The following BTRC variants were observed in gnomAD, a reference collection of about 807,000 sequenced individuals.
BTRC encodes beta-transducin repeat containing E3 ubiquitin protein ligase, also known as F-box/WD repeat-containing protein 1A.
A neutral mutation model predicts 85.5 loss-of-function variants in BTRC; 42 were observed. That is an observed-to-expected ratio of 0.49 (90% CI 0.38 to 0.64). The LOEUF is 0.64. Ranked by LOEUF, BTRC falls within the 30% of genes least tolerant of loss-of-function variation. The pLI is 0.00. For missense variants in BTRC, 594 were observed against 743.5 expected (o/e 0.80, Z 2.34); for synonymous variants, 255 against 263.3 (o/e 0.97, Z 0.30).
At chr10:101,431,070 CTTTT>C (rs748703752) in intron 2 of BTRC, among the ~76,000 whole-genome samples, 1 of 71,294 alleles carries the variant, frequency 1.4e-5, no homozygotes, top group African/African-American at 5.7e-5. Flanking sequence ...CTCAGCCTTT[CTTTT>C]TTTTTTTTTT....
intron 1 of BTRC, among the ~76,000 whole-genome samples, chr10:101,398,711 A>AT (rs1377078309): frequency 6.6e-6 from 1 of 152,154 alleles, no homozygotes; most frequent in Non-Finnish European, 1.5e-5. Flanking sequence ...GGAGGATTTT[A>AT]TATTTGATGT....
intron 3 of BTRC, among the ~76,000 whole-genome samples, chr10:101,477,410 T>C (rs906953966): frequency 6.6e-6 from 1 of 152,244 alleles, no homozygotes; most frequent in African/African-American, 2.4e-5. Flanking sequence ...AGGAAACATT[T>C]CTATTAATAT....
At chr10:101,516,009 T>A (rs530952644) in intron 4 of BTRC, among the ~76,000 whole-genome samples, 1 of 152,226 alleles carries the variant, frequency 6.6e-6, no homozygotes, top group African/African-American at 2.4e-5. Flanking sequence ...GTGTTGGTTA[T>A]GTGAGTATGT....
intron 13 of BTRC, among the ~76,000 whole-genome samples, chr10:101,539,906 C>T (rs1276520468): frequency 6.6e-6 from 1 of 152,178 alleles, no homozygotes; most frequent in African/African-American, 2.4e-5. Context: ...TTAATAATGT[C>T]AAGCATCTAT....
intron 1 of BTRC, among the ~76,000 whole-genome samples, chr10:101,366,841 TATGTATATTA>T (rs1235766192): frequency 1.8e-5 from 1 of 54,216 alleles, no homozygotes; most frequent in African/African-American, 8.8e-5. Context: ...TATATATATT[TATGTATATTA>T]ATATATATTT....
At chr10:101,406,524 CTTTTTTTTTTTT>C (rs58902120) in intron 1 of BTRC, among the ~76,000 whole-genome samples, 10 of 50,426 alleles carry the variant, frequency 2.0e-4, no homozygotes, top group Admixed American at 6.7e-4. Context: ...TCTCAGGTTT[CTTTTTTTTTTTT>C]TTTTTTTTTT....
intron 1 of BTRC, among the ~76,000 whole-genome samples, chr10:101,387,164 G>T (rs1221414578): frequency 1.3e-5 from 2 of 151,662 alleles, no homozygotes; most frequent in African/African-American, 4.8e-5. Context: ...TATTCATATA[G>T]CTTTTTTTTG....
chr10:101,552,010 T>C (rs1280342119), intron 14 of BTRC, among the ~76,000 whole-genome samples: 2 of 152,140 alleles, frequency 1.3e-5, no homozygotes, highest in Non-Finnish European at 2.9e-5. Flanking sequence ...AATCTCCATA[T>C]ACCTACCCCC....
chr10:101,457,948 C>A (rs1199203712), intron 2 of BTRC, among the ~76,000 whole-genome samples: 2 of 152,118 alleles, frequency 1.3e-5, no homozygotes, highest in Non-Finnish European at 2.9e-5. Context: ...TGTATTATAT[C>A]TGCTTATAAA....
intron 2 of BTRC, among the ~76,000 whole-genome samples, chr10:101,435,360 A>G (rs1462967948): frequency 1.3e-5 from 2 of 152,116 alleles, no homozygotes; most frequent in Non-Finnish European, 2.9e-5. Flanking sequence ...TCCAGTCTGT[A>G]CCCATCCCCC....
intron 1 of BTRC, among the ~76,000 whole-genome samples, chr10:101,389,933 G>C (rs189043561): frequency 6.6e-6 from 1 of 152,264 alleles, no homozygotes; most frequent in African/African-American, 2.4e-5. Context: ...ACTCTTGCAA[G>C]ACCACTATAA....
intron 5 of BTRC, among the ~76,000 whole-genome samples, chr10:101,523,388 A>G (rs1047521601): frequency 6.6e-6 from 1 of 152,180 alleles, no homozygotes; most frequent in Non-Finnish European, 1.5e-5. Context: ...TTAAGGGCAG[A>G]CAAGAACACT....
chr10:101,483,110 G>C (rs1324492970), intron 4 of BTRC, among the ~76,000 whole-genome samples: 1 of 151,998 alleles, frequency 6.6e-6, no homozygotes, highest in Non-Finnish European at 1.5e-5. Context: ...ATTATGTTTG[G>C]ACCCCTATAA....
intron 4 of BTRC, among the ~76,000 whole-genome samples, chr10:101,518,364 C>G (rs988027204): frequency 5.9e-5 from 9 of 152,168 alleles, no homozygotes; most frequent in African/African-American, 2.2e-4. Flanking sequence ...TTCTCATCCT[C>G]CATACCTGTC....
intron 2 of BTRC, among the ~76,000 whole-genome samples, chr10:101,438,036 A>G (rs1944576566): frequency 6.6e-6 from 1 of 152,196 alleles, no homozygotes; most frequent in South Asian, 2.1e-4. Flanking sequence ...ATTGACATGA[A>G]GAAAAGGAGT....
At chr10:101,444,030 A>G (rs903118966) in intron 2 of BTRC, among the ~76,000 whole-genome samples, 9 of 152,198 alleles carry the variant, frequency 5.9e-5, no homozygotes, top group South Asian at 2.1e-4. Flanking sequence ...ACCATTAGTC[A>G]TATGTATTTT....
chr10:101,435,961 C>T (rs1333347963), intron 2 of BTRC, among the ~76,000 whole-genome samples: 1 of 151,908 alleles, frequency 6.6e-6, no homozygotes, highest in Non-Finnish European at 1.5e-5. Flanking sequence ...GCTATGGAGT[C>T]ATTGCTGAAT....
intron 1 of BTRC, among the ~76,000 whole-genome samples, chr10:101,407,973 C>T (rs1336229859): frequency 1.3e-5 from 2 of 151,502 alleles, no homozygotes; most frequent in East Asian, 2.0e-4. Context: ...CTGCCCACCT[C>T]GGCCTCCCAA....
intron 2 of BTRC, among the ~76,000 whole-genome samples, chr10:101,435,854 G>A (rs1944514846): frequency 6.6e-6 from 1 of 151,798 alleles, no homozygotes; most frequent in Non-Finnish European, 1.5e-5. Context: ...CTCATTTAAT[G>A]TAATGGCTTC....
Sources: allele counts gnomAD v4.1 joint callset (sites outside exome capture counted in the v4.1 genomes callset), GRCh38; gene constraint gnomAD v4.1.1; transcripts MANE v1.5; gene names NCBI Gene and HGNC (gene_info 2026-07-23, HGNC 2026-07-21).